The following RGS5 variants were observed in gnomAD, a reference collection of about 807,000 sequenced individuals.
The protein encoded by RGS5 is regulator of G protein signaling 5.
A neutral mutation model predicts 18.9 loss-of-function variants in RGS5; 20 were observed. The observed-to-expected ratio is 1.06, with a 90% confidence interval of 0.74 to 1.54. The LOEUF (loss-of-function observed/expected upper bound fraction) is 1.54, where lower values mean the gene tolerates loss of function less well. RGS5 is among the 40% of genes most tolerant of loss of function. The pLI is 0.00. For synonymous variants in RGS5, 57 were observed against 76.2 expected, an observed-to-expected ratio of 0.75 and a Z score of 1.31; for missense variants, 201 against 211.8, an observed-to-expected ratio of 0.95 and a Z score of 0.32.
chr1:163,181,653 G>A (rs1658851334), intron 1 of RGS5, among the ~76,000 whole-genome samples: 1 of 152,114 alleles, frequency 6.6e-6, no homozygotes, highest in South Asian at 2.1e-4. Flanking sequence ...GTATACCTAA[G>A]AGTCCCATAT....
chr1:163,317,344 C>T (rs1650054125), intron 1 of RGS5, among the ~76,000 whole-genome samples: 1 of 152,148 alleles, frequency 6.6e-6, no homozygotes, highest in Non-Finnish European at 1.5e-5. Context: ...CCTGTCTTCA[C>T]CAAAGCTTGT....
chr1:163,281,903 T>C (rs913712617), intron 2 of RGS5, among the ~76,000 whole-genome samples: 2 of 152,108 alleles, frequency 1.3e-5, no homozygotes, highest in African/African-American at 2.4e-5. Flanking sequence ...TTTCTAACCA[T>C]ATACAAAAAT....
chr1:163,219,163 C>G (rs1660280069), upstream of RGS5, among the ~76,000 whole-genome samples: 1 of 152,112 alleles, frequency 6.6e-6, no homozygotes, highest in Non-Finnish European at 1.5e-5. Context: ...GTGGAGAGCT[C>G]TACGGATTTT....
At chr1:163,265,250 A>T (rs552169560) in intron 2 of RGS5, among the ~76,000 whole-genome samples, 22 of 152,240 alleles carry the variant, frequency 1.4e-4, no homozygotes, top group African/African-American at 5.3e-4. Context: ...CATAGGGGGA[A>T]AAAAGGCCAG....
At chr1:163,290,349 G>A (rs1185808573) in intron 2 of RGS5, among the ~76,000 whole-genome samples, 1 of 152,126 alleles carries the variant, frequency 6.6e-6, no homozygotes, top group African/African-American at 2.4e-5. Flanking sequence ...AACAAACCTT[G>A]GGTATTACCC....
rs116342577 is a variant in RGS5, at chr1:163,175,687, C to A, written c.45-7319G>T. On this transcript the variant is annotated intron_variant, in intron 1 of 4. Transcript: ENST00000313961. ...CAGTTTGAACTACAGAAAATTCACT[C>A]ATTGCTTGTGCTTTAACAGCATATG... Among the ~76,000 whole-genome samples, 578 of 152,286 alleles carry A rather than the reference C, an allele frequency of 3.8e-3. 6 individuals carry two copies. Among genetic ancestry groups the A allele is most frequent in the Non-Finnish European group, 5.8e-3 (392 of 68,022 alleles).
intron 2 of RGS5, among the ~76,000 whole-genome samples, chr1:163,235,567 A>G (rs1647601555): frequency 6.6e-6 from 1 of 152,070 alleles, no homozygotes; most frequent in Admixed American, 6.5e-5. Context: ...GGTTCTTCTC[A>G]TCTCTTATTT....
At chr1:163,187,027 A>T (rs111426352) in intron 1 of RGS5, among the ~76,000 whole-genome samples, 1 of 152,186 alleles carries the variant, frequency 6.6e-6, no homozygotes, top group Non-Finnish European at 1.5e-5. Flanking sequence ...CTCTCGAGCC[A>T]GTATCCATTT....
chr1:163,295,800 ATCT>A (rs1649407405), intron 2 of RGS5, among the ~76,000 whole-genome samples: 1 of 152,218 alleles, frequency 6.6e-6, no homozygotes, highest in Admixed American at 6.5e-5. Flanking sequence ...GATATTGTGA[ATCT>A]TCAAGTGAGG....
rs139441140 is a variant in RGS5, at chr1:163,268,378, G to T, written c.-281+37855C>A. On this transcript the variant is annotated intron_variant, in intron 2 of 5. Transcript: ENST00000618415. ...TTTCATTTTGCAGACTAGAAAACAGGTGTGAGAGTTAAAGTGACTTGACTA... is the reference window on the plus strand; with the variant it reads ...TTTCATTTTGCAGACTAGAAAACAGTTGTGAGAGTTAAAGTGACTTGACTA... 2.6e-5 allele frequency among the ~76,000 whole-genome samples: 4 copies of T among 152,170 alleles called. No homozygotes were observed. In the East Asian group the frequency reaches 7.7e-4, roughly 29 times the overall value.
rs1656994932 is a variant in RGS5 at position 163,143,252 on chromosome 1, G to C, written c.*4090C>G. 6.6e-6 allele frequency: 1 copy of C among 152,186 alleles called. No individual in the cohort carries two copies. Among genetic ancestry groups the C allele is most frequent in the Admixed American group, 6.5e-5 (1 of 15,272 alleles). 9.4% of individuals were successfully genotyped at this position (152,186 alleles called of 1,614,324 possible). A position where few individuals can be genotyped will look rare whatever the true frequency, so the allele number is the denominator to read the frequency against. On this transcript the variant is annotated 3_prime_UTR_variant, in exon 5 of 5. Transcript: ENST00000313961. ...ACGTGCTTGTCTAATAGAATGAAGA[G>C]ACTATAAGCCAGAGAGGTTTAATAG... is the stretch of plus-strand genomic sequence containing the variant.
At chr1:163,207,367 T>C (rs1228532722), upstream of RGS5, among the ~76,000 whole-genome samples, 1 of 152,228 alleles carries the variant, frequency 6.6e-6, no homozygotes, top group Non-Finnish European at 1.5e-5. Context: ...GCAGTTTATC[T>C]ATAATGTAGT....
chr1:163,279,874 G>A (rs1018191603), intron 2 of RGS5, among the ~76,000 whole-genome samples: 5 of 151,916 alleles, frequency 3.3e-5, no homozygotes, highest in Admixed American at 6.6e-5. Context: ...AGAGTATTAT[G>A]AAAAACCACA....
upstream of RGS5, among the ~76,000 whole-genome samples, chr1:163,203,890 G>C (rs1659866821): frequency 1.6e-5 from 1 of 62,968 alleles, no homozygotes; most frequent in South Asian, 7.8e-4. Context: ...CCAAGGTGCT[G>C]ATAAGTTAAT....
At chr1:163,168,167 G>C (rs775567160) in intron 2 of RGS5, 91 bp downstream of exon 2, 18 of 893,488 alleles carry the variant, frequency 2.0e-5, no homozygotes, top group Non-Finnish European at 2.9e-5. Context: ...GTAATTGAAG[G>C]GGGTAGTTCT....
At chr1:163,288,677 C>T (rs1649206269) in intron 2 of RGS5, among the ~76,000 whole-genome samples, 1 of 152,062 alleles carries the variant, frequency 6.6e-6, no homozygotes, top group Non-Finnish European at 1.5e-5. Context: ...ATCTCATTCA[C>T]TCTCATCATT....
chr1:163,248,922 A>G (rs999985200), intron 2 of RGS5, among the ~76,000 whole-genome samples: 9 of 152,210 alleles, frequency 5.9e-5, no homozygotes, highest in African/African-American at 2.2e-4. Context: ...GCTGAAGAAT[A>G]GCCCACCTCA....
chr1:163,186,864 G>GA (rs550949460), intron 1 of RGS5, among the ~76,000 whole-genome samples: 8 of 152,086 alleles, frequency 5.3e-5, no homozygotes, highest in Non-Finnish European at 8.8e-5. Flanking sequence ...AGAGAAAGGG[G>GA]AAAAAAATCA....
At chr1:163,306,731 A>C (rs1649710976) in intron 1 of RGS5, among the ~76,000 whole-genome samples, 1 of 152,210 alleles carries the variant, frequency 6.6e-6, no homozygotes. Flanking sequence ...AAAAAAAGGA[A>C]ATTTGGACAC....
Sources: allele counts gnomAD v4.1 joint callset (sites outside exome capture counted in the v4.1 genomes callset), GRCh38; gene constraint gnomAD v4.1.1; transcripts MANE v1.5; gene names NCBI Gene and HGNC (gene_info 2026-07-23, HGNC 2026-07-21).